The following FSTL5 variants were observed in gnomAD, a reference collection of about 807,000 sequenced individuals.
FSTL5 encodes the protein follistatin-related protein 5.
A neutral mutation model predicts 89.1 loss-of-function variants in FSTL5; 62 were observed. That is an observed-to-expected ratio of 0.70 (90% CI 0.57 to 0.86). The LOEUF is 0.86. Among genes scored for constraint, FSTL5 ranks in the 40% least tolerant of loss-of-function variants. The probability of loss-of-function intolerance (pLI) is 0.00; values close to 1 mark genes in which losing one functional copy is unlikely to be tolerated. For missense variants in FSTL5, 1,057 were observed against 1,001.6 expected, an observed-to-expected ratio of 1.06 and a Z score of -0.75; for synonymous variants, 383 against 346.2, an observed-to-expected ratio of 1.11 and a Z score of -1.18.
intron 3 of FSTL5, among the ~76,000 whole-genome samples, chr4:161,941,551 A>G (rs565560475): frequency 6.6e-6 from 1 of 151,924 alleles, no homozygotes; most frequent in South Asian, 2.1e-4. Flanking sequence ...CAGAAGACAA[A>G]TAAGAACATT....
Position 162,153,687 on chromosome 4 carries a change from AATAATAT to A in FSTL5, c.-17+9921_-17+9927del, listed in dbSNP as rs1266854545. 7.0e-5 allele frequency among the ~76,000 whole-genome samples: 9 copies of A among 128,656 alleles called. 1 individual carries two copies. Among genetic ancestry groups the A allele is most frequent in the African/African-American group, 2.6e-4 (9 of 34,698 alleles). The allele number at this position is 128,656 out of a possible 152,430, so 84.4% of individuals were successfully genotyped here. Reference sequence around the variant, plus strand: ...ATATATGTATATTATATATGTATATAATAATATATATGTATATTATATATGTATATAA... The same window carrying A: ...ATATATGTATATTATATATGTATATAATATGTATATTATATATGTATATAA... On this transcript the variant is annotated intron_variant, in intron 1 of 15. Transcript: ENST00000306100.
intron 1 of FSTL5, among the ~76,000 whole-genome samples, chr4:162,151,031 AC>A (rs1325250936): frequency 1.2e-4 from 18 of 152,152 alleles, no homozygotes; most frequent in Middle Eastern, 3.2e-3. Flanking sequence ...GAAATCAATT[AC>A]TTTAGTATGA....
At chr4:161,977,612 CAAAAAAAAAAAAAAAA>C (rs796909244) in intron 3 of FSTL5, among the ~76,000 whole-genome samples, 12 of 95,138 alleles carry the variant, frequency 1.3e-4, no homozygotes, top group African/African-American at 4.7e-4. Context: ...GACTCCGTGT[CAAAAAAAAAAAAAAAA>C]AAAAAAAAAA....
chr4:161,659,379 C>T (rs927456224), intron 6 of FSTL5, among the ~76,000 whole-genome samples: 2 of 152,074 alleles, frequency 1.3e-5, no homozygotes, highest in Admixed American at 1.3e-4. Flanking sequence ...ATCAAATGGG[C>T]TTTTCCTGAA....
intron 15 of FSTL5, among the ~76,000 whole-genome samples, chr4:161,421,461 G>T (rs1166020911): frequency 6.6e-6 from 1 of 152,026 alleles, no homozygotes; most frequent in Non-Finnish European, 1.5e-5. Flanking sequence ...CAAGATAGTT[G>T]TATCAGGTGA....
At chr4:162,152,419 A>G (rs1428644395) in intron 1 of FSTL5, among the ~76,000 whole-genome samples, 2 of 152,174 alleles carry the variant, frequency 1.3e-5, no homozygotes, top group Non-Finnish European at 2.9e-5. Context: ...TATTCTGCCA[A>G]AGGATTGAGA....
At chr4:161,775,438 GA>G (rs1462631003) in intron 5 of FSTL5, among the ~76,000 whole-genome samples, 1 of 152,078 alleles carries the variant, frequency 6.6e-6, no homozygotes, top group Non-Finnish European at 1.5e-5. Flanking sequence ...ATACATCAGT[GA>G]TTCAACACTA....
intron 9 of FSTL5, among the ~76,000 whole-genome samples, chr4:161,542,114 TA>T (rs548603860): frequency 2.3e-4 from 35 of 152,102 alleles, no homozygotes; most frequent in African/African-American, 8.2e-4. Context: ...CAAAATATGC[TA>T]AAAAATCCAC....
Position 161,917,956 on chromosome 4 carries a change from A to G in FSTL5, c.409+2448T>C, listed in dbSNP as rs181292590. Among the ~76,000 whole-genome samples the G allele has an allele frequency of 2.4e-3, 364 of 152,152 alleles. 2 individuals carry two copies. The highest frequency in any genetic ancestry group is 8.5e-3 in the African/African-American group (353 of 41,528). ...TTAAAAATCTAAAAGTAGCAAATAT[A>G]TTTTCCATTTTTTTATTTAACTTTT... On this transcript the variant is annotated intron_variant, in intron 4 of 15. Coordinates refer to ENST00000306100, the MANE Select transcript of FSTL5 (RefSeq NM_020116.5).
At chr4:161,584,325 T>C (rs565378695) in intron 8 of FSTL5, among the ~76,000 whole-genome samples, 2 of 152,196 alleles carry the variant, frequency 1.3e-5, no homozygotes, top group Non-Finnish European at 2.9e-5. Context: ...CAGTCTGTCT[T>C]TCTCTCTGTT....
intron 10 of FSTL5, among the ~76,000 whole-genome samples, chr4:161,533,917 G>C (rs1382734268): frequency 6.6e-6 from 1 of 151,788 alleles, no homozygotes; most frequent in East Asian, 1.9e-4. Context: ...GGATTCAAGG[G>C]TGGTTCAACA....
In FSTL5 at chr4:161,587,550, T is replaced by C. The variant is rs1355399137; in HGVS notation, c.920A>G (p.Tyr307Cys). ...GTGAGTTGTGGTAACCTTAGTAATATACAAGGACCCATCATCTCCAAAGTC... is the reference window on the plus strand; with the variant it reads ...GTGAGTTGTGGTAACCTTAGTAATACACAAGGACCCATCATCTCCAAAGTC... ...INDFGDDGSLYITKVTTTHVG... is the reference protein window; with the variant it reads ...INDFGDDGSLCITKVTTTHVG... The change falls in exon 8 of 16, where the codon TAT becomes TGT. Residue 307 changes from tyrosine to cysteine, a missense_variant. Coordinates refer to ENST00000306100, the MANE Select transcript of FSTL5 (RefSeq NM_020116.5). The C allele has an allele frequency of 3.1e-6, 5 of 1,608,754 alleles. No individual in the cohort carries two copies. Among genetic ancestry groups the C allele is most frequent in the Non-Finnish European group, 3.4e-6 (4 of 1,175,914 alleles).
chr4:161,987,485 T>TATATATATAC lies in FSTL5; in HGVS notation c.160+46139_160+46140insGTATATATAT, dbSNP rs984214889. ...ATATATATATGTATATATATATATA[T>TATATATATAC]ACATACATATATAAAAAATAAATTT... On this transcript the variant is annotated intron_variant, in intron 3 of 15. Transcript: ENST00000306100. 8.9e-3 allele frequency among the ~76,000 whole-genome samples: 1,283 copies of TATATATATAC among 143,590 alleles called. 4 individuals carry two copies. The highest frequency in any genetic ancestry group is 0.015 in the Non-Finnish European group (985 of 66,730). 94.2% of individuals were successfully genotyped at this position (143,590 alleles called of 152,430 possible).
intron 5 of FSTL5, among the ~76,000 whole-genome samples, chr4:161,768,395 T>C (rs976043847): frequency 6.6e-6 from 1 of 152,066 alleles, no homozygotes; most frequent in Admixed American, 6.5e-5. Context: ...GAGGAGGATC[T>C]AAAATACAAT....
At chr4:161,555,792 T>C (rs1041256777) in intron 8 of FSTL5, among the ~76,000 whole-genome samples, 7 of 151,618 alleles carry the variant, frequency 4.6e-5, no homozygotes, top group Admixed American at 2.0e-4. Flanking sequence ...CTCACATGTT[T>C]TGTTGTTTTT....
At chr4:161,510,312 G>A (rs1433709402) in intron 11 of FSTL5, 86 bp downstream of exon 11, 3 of 801,910 alleles carry the variant, frequency 3.7e-6, no homozygotes, top group Non-Finnish European at 5.9e-6. Context: ...TGAAAAAGAA[G>A]GTAATTAATG....
intron 6 of FSTL5, among the ~76,000 whole-genome samples, chr4:161,737,866 C>G (rs1205240082): frequency 1.3e-5 from 2 of 151,900 alleles, no homozygotes; most frequent in African/African-American, 4.8e-5. Flanking sequence ...AGATCTACAA[C>G]TTAAATTTTT....
chr4:162,128,763 T>C (rs1732179594), intron 1 of FSTL5, among the ~76,000 whole-genome samples: 1 of 152,186 alleles, frequency 6.6e-6, no homozygotes, highest in South Asian at 2.1e-4. Context: ...ATGTATTTCA[T>C]TATTTAGTAT....
At chr4:161,872,263 G>A (rs1732297839) in intron 4 of FSTL5, among the ~76,000 whole-genome samples, 1 of 149,598 alleles carries the variant, frequency 6.7e-6, no homozygotes, top group East Asian at 2.0e-4. Flanking sequence ...GAGCCATTGT[G>A]CCCAGCCTAA....
Sources: allele counts gnomAD v4.1 joint callset (sites outside exome capture counted in the v4.1 genomes callset), GRCh38; gene constraint gnomAD v4.1.1; transcripts MANE v1.5; gene names NCBI Gene and HGNC (gene_info 2026-07-23, HGNC 2026-07-21).